The following LRP5 variants were observed in gnomAD, a reference collection of about 807,000 sequenced individuals.
LRP5 encodes LDL receptor related protein 5.
LRP5 carries 62 observed loss-of-function variants against 154.1 expected under a neutral mutation model. The ratio of observed to expected loss-of-function variants is 0.40; its 90% CI spans 0.33 to 0.50. The LOEUF (loss-of-function observed/expected upper bound fraction) is 0.50. LRP5 is among the 20% of genes least tolerant of loss of function. LRP5 has a pLI of 0.55. For synonymous variants in LRP5, 966 were observed against 1,011.5 expected, an observed-to-expected ratio of 0.96 and a Z score of 0.85; for missense variants, 1,915 against 2,336.7, an observed-to-expected ratio of 0.82 and a Z score of 3.72.
rs538573154 is a variant in LRP5 at position 68,397,175 on chromosome 11, C to T, written c.1585-6308C>T. ...CCAAGCCCTCACGTTCTTGCCTCCC[C>T]GCCCACCTGGGCTCAGCCAGGGGAA... is the stretch of plus-strand genomic sequence containing the variant. On this transcript the variant is annotated intron_variant, in intron 7 of 22. Transcript: ENST00000294304. Among the ~76,000 whole-genome samples, 4 of 152,268 alleles carry T rather than the reference C, an allele frequency of 2.6e-5. No homozygotes were observed. In the East Asian group the frequency reaches 5.8e-4, roughly 22 times the overall value.
At chr11:68,402,057 A>T (rs982948670) in intron 7 of LRP5, among the ~76,000 whole-genome samples, 1 of 152,186 alleles carries the variant, frequency 6.6e-6, no homozygotes, top group Non-Finnish European at 1.5e-5. Flanking sequence ...CTTAACATGC[A>T]TTCCATCTGC....
intron 13 of LRP5, among the ~76,000 whole-genome samples, chr11:68,419,997 G>T (rs1268744612): frequency 2.6e-5 from 4 of 152,010 alleles, no homozygotes; most frequent in Admixed American, 2.6e-4. Flanking sequence ...TCACCATGTT[G>T]CCCAGGCTGG....
chr11:68,347,984 G>A lies in LRP5; in HGVS notation c.229G>A (p.Val77Met), dbSNP rs763434689. 11 of 1,614,058 alleles carry A rather than the reference G, an allele frequency of 6.8e-6. No homozygotes were observed. The highest frequency in any genetic ancestry group is 2.2e-5 in the East Asian group (1 of 44,894). Residue 77 changes from valine (V) to methionine (M), a missense_variant, in exon 2 of 23, where the codon GTG becomes ATG. By Grantham distance (21) the Val-to-Met change is conservative (BLOSUM62 1). Around this residue, in one of 3 missense-constraint regions of LRP5, gnomAD observed 773 missense variants for 1,100.9 expected, o/e 0.70. Transcript: ENST00000294304. ...AVDFQFSKGA[V>M]YWTDVSEEAI... ...GGACTTCCAGTTTTCCAAGGGAGCC[G>A]TGTACTGGACAGACGTGAGCGAGGA...
intron 21 of LRP5, chr11:68,445,813 G>A (rs748109874): frequency 1.6e-5 from 8 of 494,742 alleles, no homozygotes; most frequent in Admixed American, 3.0e-5. Context: ...TACTATCCCC[G>A]CTTTGGGGCT....
rs1385922767 is a variant in LRP5 at position 68,410,018 on chromosome 11, C to T, written c.2196C>T (p.Leu732=). Residue 732 remains leucine, a synonymous_variant, in exon 10 of 23, where the codon CTC becomes CTT. Transcript: ENST00000294304. ...GMAVDWMGKN[L]YWADTGTNRI... The stretch of plus-strand genomic sequence containing the variant: ...CCGTTGACTGGATGGGCAAGAACCT[C>T]TACTGGGCCGACACTGGGACCAACA... The T allele has an allele frequency of 6.2e-7, 1 of 1,614,102 alleles. No individual in the cohort carries two copies. The highest frequency in any genetic ancestry group is 1.7e-5 in the Admixed American group (1 of 60,010).
Position 68,406,548 on chromosome 11 carries a change from A to G in LRP5, c.1826A>G (p.Asn609Ser). The change falls in exon 9 of 23, where the codon AAC becomes AGC. Residue 609 changes from asparagine (N) to serine (S), a missense_variant. By Grantham distance (46) the Asn-to-Ser change is conservative. Coordinates refer to ENST00000294304, the MANE Select transcript of LRP5 (RefSeq NM_002335.4). ...VVGTNPCADR[N>S]GGCSHLCFFT... ...GGAACCAACCCGTGTGCGGACAGGA[A>G]CGGGGGGTGCAGCCACCTGTGCTTC... The G allele has an allele frequency of 6.2e-7, 1 of 1,614,134 alleles. No individual in the cohort carries two copies. The highest frequency in any genetic ancestry group is 8.5e-7 in the Non-Finnish European group (1 of 1,180,018).
intron 7 of LRP5, among the ~76,000 whole-genome samples, chr11:68,396,708 A>G (rs1591275532): frequency 1.4e-5 from 2 of 139,096 alleles, no homozygotes; most frequent in South Asian, 5.0e-4. Context: ...AGGCCGCCCC[A>G]GCAGCCTGAC....
chr11:68,437,565 T>C (rs955858637), intron 19 of LRP5, among the ~76,000 whole-genome samples: 16 of 152,200 alleles, frequency 1.1e-4, no homozygotes, highest in Admixed American at 1.0e-3. Context: ...TGAGTTCAGA[T>C]AGGAAGTAGC....
chr11:68,309,501 G>T (rs895540344), upstream of LRP5, among the ~76,000 whole-genome samples: 1 of 151,792 alleles, frequency 6.6e-6, no homozygotes, highest in Non-Finnish European at 1.5e-5. Flanking sequence ...CCAAAGTGCT[G>T]GGATTATAGG....
At chr11:68,402,226 C>G (rs2098652986) in intron 7 of LRP5, among the ~76,000 whole-genome samples, 1 of 152,220 alleles carries the variant, frequency 6.6e-6, no homozygotes, top group South Asian at 2.1e-4. Flanking sequence ...TTGCGCCTAA[C>G]TCAACCTTCC....
At chr11:68,318,706 C>T (rs111502348) in intron 1 of LRP5, among the ~76,000 whole-genome samples, 1 of 152,164 alleles carries the variant, frequency 6.6e-6, no homozygotes, top group African/African-American at 2.4e-5. Flanking sequence ...GGTTTTTAGC[C>T]TTTTGAGGGG....
In LRP5 at chr11:68,425,127, G is replaced by A. The variant is rs1056200489; in HGVS notation, c.3262G>A (p.Asp1088Asn). Reference protein sequence around the residue: ...RGYLYFTNMQDRAAKIERAAL... With the variant: ...RGYLYFTNMQNRAAKIERAAL... ...GTACCTGTACTTCACCAACATGCAG[G>A]ACCGGGCAGCCAAGATCGAACGCGC... is the stretch of plus-strand genomic sequence containing the variant. The change falls in exon 15 of 23, where the codon GAC becomes AAC. Residue 1088 changes from aspartate (D) to asparagine (N), a missense_variant. By Grantham distance (23) the Asp-to-Asn change is conservative. Around this residue, in one of 3 missense-constraint regions of LRP5, gnomAD observed 1,094 missense variants for 1,210.1 expected, o/e 0.90. Transcript: ENST00000294304. 10 of 1,613,802 alleles carry A rather than the reference G, an allele frequency of 6.2e-6. No homozygotes were observed. The highest frequency in any genetic ancestry group is 8.5e-6 in the Non-Finnish European group (10 of 1,179,982).
At chr11:68,357,148 G>T (rs1269614822) in intron 2 of LRP5, among the ~76,000 whole-genome samples, 2 of 152,198 alleles carry the variant, frequency 1.3e-5, no homozygotes, top group Non-Finnish European at 2.9e-5. Context: ...TGTTAGCCAG[G>T]ATGGTCTTGA....
At chr11:68,314,117 A>C (rs1302331149) in intron 1 of LRP5, among the ~76,000 whole-genome samples, 1 of 152,216 alleles carries the variant, frequency 6.6e-6, no homozygotes, top group African/African-American at 2.4e-5. Flanking sequence ...TGGGGAGTAC[A>C]GGCCAGCGCC....
At chr11:68,411,742 C>A in intron 11 of LRP5, 122 bp downstream of exon 11, 1 of 1,066,800 alleles carries the variant, frequency 9.4e-7, no homozygotes, top group Non-Finnish European at 1.3e-6. Context: ...GGAGCTGTGG[C>A]CACACCCACG....
chr11:68,374,744 GA>G (rs1270235905), intron 5 of LRP5, among the ~76,000 whole-genome samples: 1 of 152,114 alleles, frequency 6.6e-6, no homozygotes, highest in Non-Finnish European at 1.5e-5. Context: ...GCCTGTTCCA[GA>G]ACTACATGGA....
upstream of LRP5, among the ~76,000 whole-genome samples, chr11:68,309,003 G>C (rs998601494): frequency 6.4e-5 from 9 of 141,040 alleles, no homozygotes; most frequent in Non-Finnish European, 1.4e-4. Flanking sequence ...GCGCAATCTC[G>C]GCTCACTGCA....
chr11:68,364,429 C>G (rs1378239364), intron 4 of LRP5, among the ~76,000 whole-genome samples: 1 of 150,440 alleles, frequency 6.6e-6, no homozygotes, highest in Non-Finnish European at 1.5e-5. Context: ...GCCACGTTGC[C>G]CAGGCTTGTC....
intron 1 of LRP5, among the ~76,000 whole-genome samples, chr11:68,318,619 A>G (rs1040398851): frequency 2.6e-5 from 4 of 152,060 alleles, no homozygotes; most frequent in African/African-American, 9.7e-5. Flanking sequence ...GATTACAGAC[A>G]TGAGCCACTG....
Sources: allele counts gnomAD v4.1 joint callset (sites outside exome capture counted in the v4.1 genomes callset), GRCh38; gene constraint gnomAD v4.1.1; regional missense constraint gnomAD v4.1.1; transcripts MANE v1.5; gene names NCBI Gene and HGNC (gene_info 2026-07-23, HGNC 2026-07-21).